The following RPS6KA5 variants were observed in gnomAD, a reference collection of about 807,000 sequenced individuals.
The protein encoded by RPS6KA5 is ribosomal protein S6 kinase alpha-5.
A neutral mutation model predicts 85.5 loss-of-function variants in RPS6KA5; 27 were observed. The ratio of observed to expected loss-of-function variants is 0.32; its 90% CI spans 0.23 to 0.44. The LOEUF (loss-of-function observed/expected upper bound fraction) is 0.44, where lower values mean the gene tolerates loss of function less well. Ranked by LOEUF, RPS6KA5 falls within the 20% of genes least tolerant of loss-of-function variation. The pLI is 1.00. For missense variants in RPS6KA5, 811 were observed against 980.9 expected, an observed-to-expected ratio of 0.83 and a Z score of 2.31; for synonymous variants, 334 against 348.2, an observed-to-expected ratio of 0.96 and a Z score of 0.46.
At chr14:91,003,282 T>C (rs1420746747) in intron 1 of RPS6KA5, among the ~76,000 whole-genome samples, 1 of 152,120 alleles carries the variant, frequency 6.6e-6, no homozygotes, top group East Asian at 1.9e-4. Flanking sequence ...ATATATTACT[T>C]ATCTATATTT....
At chr14:90,934,478 T>G (rs1298579179) in intron 5 of RPS6KA5, among the ~76,000 whole-genome samples, 1 of 152,182 alleles carries the variant, frequency 6.6e-6, no homozygotes, top group Non-Finnish European at 1.5e-5. Flanking sequence ...TTTCCTTTCT[T>G]TCTTAGAAAA....
chr14:91,024,840 A>G lies in RPS6KA5; in HGVS notation c.104-23681T>C, dbSNP rs375197138. 5.3e-5 allele frequency among the ~76,000 whole-genome samples: 8 copies of G among 152,162 alleles called. 1 individual carries two copies. The highest frequency in any genetic ancestry group is 3.3e-4 in the Admixed American group (5 of 15,280). On this transcript the variant is annotated intron_variant, in intron 1 of 16. Transcript: ENST00000614987. ...AATGATTTCTGTATGTGTTTTGTCT[A>G]AAGTTTTGGGGACTCTCGCCTTTTT...
chr14:90,985,379 A>C (rs1329101502), intron 2 of RPS6KA5, among the ~76,000 whole-genome samples: 1 of 152,264 alleles, frequency 6.6e-6, no homozygotes, highest in African/African-American at 2.4e-5. Context: ...TACATGCATT[A>C]TTCTGAAGGG....
intron 3 of RPS6KA5, among the ~76,000 whole-genome samples, chr14:90,956,971 T>TG (rs960701334): frequency 6.7e-6 from 1 of 149,706 alleles, no homozygotes; most frequent in Non-Finnish European, 1.5e-5. Flanking sequence ...TCTGTTTTTT[T>TG]TTTTTTTTTT....
intron 3 of RPS6KA5, among the ~76,000 whole-genome samples, chr14:90,975,671 C>T (rs1308258000): frequency 6.6e-6 from 1 of 152,138 alleles, no homozygotes; most frequent in Non-Finnish European, 1.5e-5. Flanking sequence ...AGCCACCCAG[C>T]CCTAGCAAAC....
At chr14:90,941,545 T>C (rs2037572289) in intron 5 of RPS6KA5, among the ~76,000 whole-genome samples, 2 of 152,212 alleles carry the variant, frequency 1.3e-5, no homozygotes, top group African/African-American at 4.8e-5. Context: ...ACAGACCTTG[T>C]CAGTCTTCCC....
intron 1 of RPS6KA5, among the ~76,000 whole-genome samples, chr14:91,034,298 C>A (rs12895838): frequency 6.8e-6 from 1 of 146,716 alleles, no homozygotes; most frequent in African/African-American, 2.5e-5. Flanking sequence ...GAAGTAAAAA[C>A]CCTGTCTCAA....
chr14:91,001,797 T>C (rs2040807585), intron 1 of RPS6KA5, among the ~76,000 whole-genome samples: 1 of 152,214 alleles, frequency 6.6e-6, no homozygotes, highest in African/African-American at 2.4e-5. Context: ...GGATCTCTTA[T>C]AAATTAGCAT....
chr14:91,059,877 C>A (rs899007977), intron 1 of RPS6KA5: 3 of 264,214 alleles, frequency 1.1e-5, no homozygotes, highest in African/African-American at 6.9e-5. Context: ...GGGATGGCTC[C>A]ACAGAGCCCC....
At chr14:90,923,912 T>C (rs2036530705) in intron 5 of RPS6KA5, among the ~76,000 whole-genome samples, 1 of 152,238 alleles carries the variant, frequency 6.6e-6, no homozygotes, top group Middle Eastern at 3.4e-3. Context: ...TAATCAATTA[T>C]GCAATTACGT....
Position 90,871,247 on chromosome 14 carries a change from T to C in RPS6KA5, c.*827A>G, listed in dbSNP as rs2033090886. 1.3e-5 allele frequency: 2 copies of C among 152,582 alleles called. No individual in the cohort carries two copies. 9.5% of individuals were successfully genotyped at this position (152,582 alleles called of 1,614,324 possible). On this transcript the variant is annotated 3_prime_UTR_variant, in exon 17 of 17. Transcript: ENST00000614987. ...ATTTAAAGTAGAAAATGAAAATAAA[T>C]GGCAAAAATACAGTGCAAATGCTTT...
At chr14:91,006,637 AAAAT>A (rs2041030066) in intron 1 of RPS6KA5, among the ~76,000 whole-genome samples, 1 of 152,248 alleles carries the variant, frequency 6.6e-6, no homozygotes, top group South Asian at 2.1e-4. Flanking sequence ...AGAACTGTGA[AAAAT>A]AAATGTTTGT....
At chr14:91,011,718 A>G (rs1300003758) in intron 1 of RPS6KA5, among the ~76,000 whole-genome samples, 2 of 152,204 alleles carry the variant, frequency 1.3e-5, no homozygotes, top group Non-Finnish European at 2.9e-5. Context: ...TCCTTTGCTT[A>G]TAACTATAGC....
intron 1 of RPS6KA5, among the ~76,000 whole-genome samples, chr14:91,033,038 T>C (rs1221577336): frequency 6.6e-6 from 1 of 151,482 alleles, no homozygotes; most frequent in African/African-American, 2.4e-5. Flanking sequence ...ACAAAAACAA[T>C]TAGCTGGACG....
chr14:90,878,285 G>C (rs1292883942), intron 14 of RPS6KA5, among the ~76,000 whole-genome samples: 1 of 152,210 alleles, frequency 6.6e-6, no homozygotes, highest in Non-Finnish European at 1.5e-5. Flanking sequence ...GATAGAGACT[G>C]TACTGTGGTC....
chr14:90,959,001 T>C (rs1011117795), intron 3 of RPS6KA5, among the ~76,000 whole-genome samples: 1 of 151,762 alleles, frequency 6.6e-6, no homozygotes, highest in African/African-American at 2.4e-5. Flanking sequence ...GGAAAGACTG[T>C]TCCAAGCAGA....
intron 5 of RPS6KA5, among the ~76,000 whole-genome samples, chr14:90,928,745 A>G (rs1188927188): frequency 6.6e-6 from 1 of 151,362 alleles, no homozygotes. Flanking sequence ...AAATGAAAAA[A>G]AAAAAAAAAG....
At chr14:90,885,536 G>A (rs1434733307) in intron 14 of RPS6KA5, among the ~76,000 whole-genome samples, 1 of 88,718 alleles carries the variant, frequency 1.1e-5, no homozygotes, top group East Asian at 4.0e-4. Flanking sequence ...CTGGGCGACA[G>A]AGCGAGACTC....
At chr14:91,044,881 A>AT (rs1348655430) in intron 1 of RPS6KA5, among the ~76,000 whole-genome samples, 1 of 151,676 alleles carries the variant, frequency 6.6e-6, no homozygotes, top group Non-Finnish European at 1.5e-5. Flanking sequence ...AAAAAAAAAA[A>AT]GAAAAAAAAA....
Sources: allele counts gnomAD v4.1 joint callset (sites outside exome capture counted in the v4.1 genomes callset), GRCh38; gene constraint gnomAD v4.1.1; transcripts MANE v1.5; gene names NCBI Gene and HGNC (gene_info 2026-07-23, HGNC 2026-07-21).